Variants in FAM241A observed in about 807,000 individuals in gnomAD.
The protein encoded by FAM241A is uncharacterized protein FAM241A.
In FAM241A, 7 loss-of-function variants were observed where a neutral mutation model predicts 12.2. The ratio of observed to expected loss-of-function variants is 0.58; its 90% CI spans 0.33 to 1.08. FAM241A has a LOEUF of 1.08. Among genes scored for constraint, FAM241A ranks in the 50% least tolerant of loss-of-function variants. The pLI, the probability that FAM241A is intolerant of heterozygous loss-of-function variation, is 0.04. For missense variants in FAM241A, 161 were observed against 169.7 expected, an observed-to-expected ratio of 0.95 and a Z score of 0.29; for synonymous variants, 74 against 68.2, an observed-to-expected ratio of 1.08 and a Z score of -0.42.
At position 112,185,348 on chromosome 4, in the gene FAM241A, A is replaced by G. The variant is rs977069952; in HGVS notation, c.154-1345A>G. On this transcript the variant is annotated intron_variant, in intron 1 of 1. Transcript: ENST00000309733. ...GGAAAAGCATGGTCACCAGATCAGC[A>G]TCATAAGCATCACCTAGAAACTTCC... 2.6e-4 allele frequency among the ~76,000 whole-genome samples: 40 copies of G among 152,210 alleles called. 1 individual carries two copies. Among genetic ancestry groups the G allele is most frequent in the Admixed American group, 2.6e-3 (39 of 15,278 alleles).
chr4:112,160,868 G>A (rs1374818653), intron 1 of FAM241A, among the ~76,000 whole-genome samples: 1 of 152,098 alleles, frequency 6.6e-6, no homozygotes, highest in Non-Finnish European at 1.5e-5. Context: ...GCAGAAGAAT[G>A]AAACTACATC....
intron 1 of FAM241A, among the ~76,000 whole-genome samples, chr4:112,177,751 T>C (rs927810703): frequency 6.6e-6 from 1 of 152,146 alleles, no homozygotes; most frequent in African/African-American, 2.4e-5. Context: ...TACGTATTAG[T>C]GTCTGCTCTT....
In FAM241A at chr4:112,175,205, A is replaced by C. The variant is rs572123826; in HGVS notation, c.154-11488A>C. Among the ~76,000 whole-genome samples the C allele has an allele frequency of 1.4e-4, 21 of 152,270 alleles. No homozygotes were observed. In the East Asian group the frequency reaches 4.0e-3, roughly 29 times the overall value. On this transcript the variant is annotated intron_variant, in intron 1 of 1. Transcript: ENST00000309733. ...AAGACCAAAAGTAGATATGCTAGCT[A>C]TATCTGAGTACTTAAATTATGTCAA...
intron 1 of FAM241A, among the ~76,000 whole-genome samples, chr4:112,167,352 A>G (rs1723620526): frequency 6.6e-6 from 1 of 152,176 alleles, no homozygotes; most frequent in East Asian, 1.9e-4. Flanking sequence ...AAGTAGACCA[A>G]AGAGAAAAAG....
At chr4:112,146,771 G>T (rs1723145964) in intron 1 of FAM241A, among the ~76,000 whole-genome samples, 1 of 152,214 alleles carries the variant, frequency 6.6e-6, no homozygotes, top group South Asian at 2.1e-4. Context: ...AGGTTACTTA[G>T]GAAACAGAGT....
At chr4:112,150,764 T>C (rs1017998879) in intron 1 of FAM241A, among the ~76,000 whole-genome samples, 5 of 152,262 alleles carry the variant, frequency 3.3e-5, no homozygotes, top group African/African-American at 1.2e-4. Context: ...TTTAGGCAAG[T>C]AACTAACCTC....
At chr4:112,183,890 TGTA>T (rs1357232681) in intron 1 of FAM241A, among the ~76,000 whole-genome samples, 2 of 152,002 alleles carry the variant, frequency 1.3e-5, no homozygotes, top group Admixed American at 6.6e-5. Context: ...TTTTTTAAAA[TGTA>T]GTATATTGTT....
chr4:112,173,532 T>C (rs1446413266), intron 1 of FAM241A, among the ~76,000 whole-genome samples: 1 of 152,252 alleles, frequency 6.6e-6, no homozygotes, highest in South Asian at 2.1e-4. Flanking sequence ...CTTAATGATA[T>C]GTGTGAAAGG....
chr4:112,168,908 G>A (rs753533743), intron 1 of FAM241A, among the ~76,000 whole-genome samples: 6 of 152,178 alleles, frequency 3.9e-5, no homozygotes, highest in South Asian at 2.1e-4. Context: ...CAAGTAATCC[G>A]CCTGCCTCGG....
rs185652241 is a variant in FAM241A, at chr4:112,183,528, A to G, written c.154-3165A>G. Reference sequence around the variant, plus strand: ...TTTGTAGATTTAATTTATTTTACAAAGAATTTAAACCTTCAGACAGTACCT... The same window carrying G: ...TTTGTAGATTTAATTTATTTTACAAGGAATTTAAACCTTCAGACAGTACCT... On this transcript the variant is annotated intron_variant, in intron 1 of 1. Transcript: ENST00000309733. 4.2e-3 allele frequency among the ~76,000 whole-genome samples: 638 copies of G among 152,282 alleles called. 7 individuals carry two copies. Among genetic ancestry groups the G allele is most frequent in the African/African-American group, 0.015 (612 of 41,554 alleles).
chr4:112,195,031 C>G lies in FAM241A; in HGVS notation c.*8093C>G, dbSNP rs1015209854. On this transcript the variant is annotated 3_prime_UTR_variant, in exon 2 of 2. Coordinates refer to ENST00000309733, the MANE Select transcript of FAM241A (RefSeq NM_152400.3). ...TCATGATCCGCCCGCCTCGGCCTCC[C>G]AAAGTGCTGGGATTACAGGCGTGAG... 2.0e-5 allele frequency: 3 copies of G among 152,218 alleles called. No individual in the cohort carries two copies. The highest frequency in any genetic ancestry group is 6.5e-5 in the Admixed American group (1 of 15,274). The allele number at this position is 152,218 out of a possible 1,614,324, so 9.4% of individuals were successfully genotyped here.
rs1267052222 is a variant in FAM241A, at chr4:112,194,383, A to G, written c.*7445A>G. On this transcript the variant is annotated 3_prime_UTR_variant, in exon 2 of 2. Coordinates refer to ENST00000309733, the MANE Select transcript of FAM241A (RefSeq NM_152400.3). ...TGCCCTGGCCAGAACTTCCAACACT[A>G]TGTTGAATAGGAGTGGTGAGAGAGG... 6.6e-5 allele frequency: 10 copies of G among 151,802 alleles called. No individual in the cohort carries two copies. Among genetic ancestry groups the G allele is most frequent in the East Asian group, 1.9e-4 (1 of 5,170 alleles). The allele number at this position is 151,802 out of a possible 1,614,324, so 9.4% of individuals were successfully genotyped here.
rs1724137861 is a variant in FAM241A at position 112,190,273 on chromosome 4, T to C, written c.*3335T>C. 1 of 152,208 alleles carries C rather than the reference T, an allele frequency of 6.6e-6. No homozygotes were observed. The allele number at this position is 152,208 out of a possible 1,614,324, so 9.4% of individuals were successfully genotyped here. A position where few individuals can be genotyped will look rare whatever the true frequency, so the allele number is the denominator to read the frequency against. ...CAGGTTTGGAGCAATCAAAGGCTATTCGTGTGGTTCATAGATTGTTTTAAT... is the reference window on the plus strand; with the variant it reads ...CAGGTTTGGAGCAATCAAAGGCTATCCGTGTGGTTCATAGATTGTTTTAAT... On this transcript the variant is annotated 3_prime_UTR_variant, in exon 2 of 2. Transcript: ENST00000309733.
intron 1 of FAM241A, 127 bp from the exon 2 acceptor site, chr4:112,186,566 A>G (rs374549850): frequency 1.6e-5 from 13 of 799,402 alleles, no homozygotes; most frequent in African/African-American, 1.6e-4. Flanking sequence ...TTGTGTTAAC[A>G]GGTACTTGTA....
At chr4:112,164,657 A>G (rs1040628437) in intron 1 of FAM241A, among the ~76,000 whole-genome samples, 8 of 152,180 alleles carry the variant, frequency 5.3e-5, no homozygotes, top group African/African-American at 1.9e-4. Flanking sequence ...GAAACAATCA[A>G]GTGAAGATAC....
intron 1 of FAM241A, among the ~76,000 whole-genome samples, chr4:112,181,758 T>C (rs77407028): frequency 2.3e-4 from 35 of 152,296 alleles, no homozygotes; most frequent in African/African-American, 8.4e-4. Context: ...GAAAGACCTC[T>C]GTGGCTGAAA....
chr4:112,155,992 G>A (rs1038564337), intron 1 of FAM241A, among the ~76,000 whole-genome samples: 1 of 152,172 alleles, frequency 6.6e-6, no homozygotes, highest in Admixed American at 6.6e-5. Context: ...GTAAGTTGCA[G>A]AGTTGAGATT....
At chr4:112,159,950 A>G (rs1683485974) in intron 1 of FAM241A, among the ~76,000 whole-genome samples, 1 of 152,248 alleles carries the variant, frequency 6.6e-6, no homozygotes, top group Non-Finnish European at 1.5e-5. Context: ...AGAGAAAGAT[A>G]TAAAGGGCAT....
At chr4:112,186,452 A>G (rs113102628) in intron 1 of FAM241A, among the ~76,000 whole-genome samples, 67 of 152,332 alleles carry the variant, frequency 4.4e-4, no homozygotes, top group African/African-American at 1.6e-3. Context: ...GGTGGCAGAA[A>G]AGGGTGTTCT....
Sources: gnomAD v4.1 joint callset for allele counts (sites outside exome capture counted in the v4.1 genomes callset) on GRCh38, gnomAD v4.1.1 for gene constraint, MANE v1.5 for transcripts, NCBI Gene and HGNC (gene_info 2026-07-23, HGNC 2026-07-21) for gene names.